ZC3H4: variants seen among roughly 807,000 people sequenced by gnomAD.
ZC3H4 encodes the protein zinc finger CCCH-type containing 4.
A neutral mutation model predicts 108.3 loss-of-function variants in ZC3H4; 13 were observed. That is an observed-to-expected ratio of 0.12 (90% CI 0.08 to 0.19). ZC3H4 has a LOEUF of 0.19. ZC3H4 is among the 10% of genes least tolerant of loss of function. The pLI, the probability that ZC3H4 is intolerant of heterozygous loss-of-function variation, is 1.00. For synonymous variants in ZC3H4, 917 were observed against 749.6 expected, an observed-to-expected ratio of 1.22 and a Z score of -3.65; for missense variants, 1,734 against 1,838.8, an observed-to-expected ratio of 0.94 and a Z score of 1.04.
intron 4 of ZC3H4, 149 bp downstream of exon 4, chr19:47,093,821 C>T: frequency 1.8e-6 from 1 of 569,818 alleles, no homozygotes; most frequent in South Asian, 3.4e-5. Flanking sequence ...TTTCAGTTTC[C>T]TCACTCATAA....
chr19:47,106,950 G>A (rs1303622037), intron 2 of ZC3H4, among the ~76,000 whole-genome samples: 3 of 152,154 alleles, frequency 2.0e-5, no homozygotes, highest in African/African-American at 7.2e-5. Flanking sequence ...AGTTTGCAGT[G>A]GTATGAGATT....
At chr19:47,068,947 G>A (rs1365990691) in intron 14 of ZC3H4, 145 bp downstream of exon 14, 3 of 1,502,846 alleles carry the variant, frequency 2.0e-6, no homozygotes, top group African/African-American at 2.8e-5. Context: ...AGCAGCCCCA[G>A]CCCGGCTTCA....
At chr19:47,083,311 A>G (rs1488959471) in intron 9 of ZC3H4, among the ~76,000 whole-genome samples, 1 of 134,400 alleles carries the variant, frequency 7.4e-6, no homozygotes, top group Non-Finnish European at 1.6e-5. Flanking sequence ...AAAAAAAATT[A>G]AAAAAAAAAA....
chr19:47,097,052 C>T (rs927538683), intron 2 of ZC3H4: 85 of 940,922 alleles, frequency 9.0e-5, no homozygotes, highest in Non-Finnish European at 1.0e-4. Flanking sequence ...GGACAAAAGA[C>T]CATTCAAGGA....
At position 47,069,267 on chromosome 19, in the gene ZC3H4, G is replaced by A. The variant is rs2057282213; in HGVS notation, c.2223C>T (p.Asp741=). 1 of 1,613,804 alleles carries A rather than the reference G, an allele frequency of 6.2e-7. No individual in the cohort carries two copies. The highest frequency in any genetic ancestry group is 1.3e-5 in the African/African-American group (1 of 74,930). The change falls in exon 14 of 15, where the codon GAC becomes GAT. Residue 741 remains aspartate, a synonymous_variant. Transcript: ENST00000253048. ...HLFPEHPLEP[D]SFSEGGPPGR... ...CTGGGGGCCCTCCCTCAGAGAAGCT[G>A]TCGGGCTCCAGAGGGTGCTCAGGGA...
chr19:47,095,249 C>G (rs910512345), intron 2 of ZC3H4, among the ~76,000 whole-genome samples: 1 of 152,210 alleles, frequency 6.6e-6, no homozygotes, highest in Admixed American at 6.5e-5. Flanking sequence ...GGGACCCACC[C>G]ACAGGCAGGC....
At chr19:47,112,906 T>G (rs1600126749) in intron 1 of ZC3H4, among the ~76,000 whole-genome samples, 1 of 143,398 alleles carries the variant, frequency 7.0e-6, no homozygotes, top group Non-Finnish European at 1.5e-5. Flanking sequence ...GGTGGTTGGG[T>G]GTAATTAGCG....
At position 47,094,488 on chromosome 19, in the gene ZC3H4, C is replaced by T. The variant is rs199815301; in HGVS notation, c.282G>A (p.Ser94=). 12 of 1,614,222 alleles carry T rather than the reference C, an allele frequency of 7.4e-6. No individual in the cohort carries two copies. Among genetic ancestry groups the T allele is most frequent in the South Asian group, 6.6e-5 (6 of 91,086 alleles). The change falls in exon 3 of 15, where the codon TCG becomes TCA. Residue 94 remains serine, a synonymous_variant. Transcript: ENST00000253048. ...GTCTCCTGTGGGACTTCTCCTCATC[C>T]GAATCACTGTGATGCTTCTCCCCCT... ...KEKGEKHHSD[S]DEEKSHRRLK...
intron 2 of ZC3H4, among the ~76,000 whole-genome samples, chr19:47,106,302 G>A (rs577231601): frequency 1.3e-5 from 2 of 152,266 alleles, no homozygotes; most frequent in East Asian, 1.9e-4. Context: ...CAGCACCCAG[G>A]CAGACATGGT....
intron 2 of ZC3H4, among the ~76,000 whole-genome samples, chr19:47,109,694 C>A (rs1200924545): frequency 1.3e-5 from 2 of 152,122 alleles, no homozygotes; most frequent in Non-Finnish European, 2.9e-5. Flanking sequence ...AAACAAGTGG[C>A]CTATTGAATT....
At position 47,094,612 on chromosome 19, in the gene ZC3H4, C is replaced by T. The variant is rs199543090; in HGVS notation, c.162-4G>A. 773 of 1,614,028 alleles carry T rather than the reference C, an allele frequency of 4.8e-4. No homozygotes were observed. The highest frequency in any genetic ancestry group is 4.5e-4 in the Non-Finnish European group (530 of 1,179,950). On this transcript the variant is annotated splice_polypyrimidine_tract_variant and splice_region_variant and intron_variant, in intron 2 of 14. Transcript: ENST00000253048. The stretch of plus-strand genomic sequence containing the variant: ...TTCTTCCAACTCTCCATCTTCCCTA[C>T]AAACAAACCCCAATCCCACCATGAA...
chr19:47,093,134 C>G (rs765057584), intron 4 of ZC3H4, among the ~76,000 whole-genome samples: 74 of 146,490 alleles, frequency 5.1e-4, no homozygotes, highest in South Asian at 8.7e-4. Flanking sequence ...AAGAATGGTG[C>G]GACCCCAGGA....
chr19:47,071,340 G>T (rs1052139870), intron 13 of ZC3H4, among the ~76,000 whole-genome samples: 22 of 151,928 alleles, frequency 1.4e-4, no homozygotes, highest in African/African-American at 4.4e-4. Flanking sequence ...AATGCAAAAG[G>T]AAAAAAAGGC....
intron 2 of ZC3H4, among the ~76,000 whole-genome samples, chr19:47,095,787 C>T (rs544282274): frequency 1.3e-5 from 2 of 152,144 alleles, no homozygotes; most frequent in South Asian, 2.1e-4. Context: ...TTTTAAAAAG[C>T]TCCCAAAGTT....
At chr19:47,097,543 ACT>A (rs1454999671) in intron 2 of ZC3H4, among the ~76,000 whole-genome samples, 2 of 152,092 alleles carry the variant, frequency 1.3e-5, no homozygotes, top group African/African-American at 2.4e-5. Flanking sequence ...TATTCTTCAG[ACT>A]CTGTTCAACA....
At chr19:47,109,457 T>G (rs1199819086) in intron 2 of ZC3H4, among the ~76,000 whole-genome samples, 1 of 152,208 alleles carries the variant, frequency 6.6e-6, no homozygotes, top group African/African-American at 2.4e-5. Context: ...GTCATCCAGT[T>G]TCTGTTCTCA....
In ZC3H4 at chr19:47,071,848, C is replaced by T. The variant is rs778162522; in HGVS notation, c.2076G>A (p.Gln692=). The T allele has an allele frequency of 3.1e-6, 5 of 1,613,768 alleles. No individual in the cohort carries two copies. Among genetic ancestry groups the T allele is most frequent in the Non-Finnish European group, 3.4e-6 (4 of 1,179,920 alleles). ...SGMMPPIPPA[Q]NFYENFYQQQ... ...GCTGGTAGAAGTTTTCATAGAAGTT[C>T]TGGGCTGGCGGGATAGGGGGCATCA... is the stretch of plus-strand genomic sequence containing the variant. The change falls in exon 13 of 15, where the codon CAG becomes CAA. Residue 692 remains glutamine (Q), a synonymous_variant. Transcript: ENST00000253048.
Position 47,067,718 on chromosome 19 carries a change from C to T in ZC3H4, c.2550G>A (p.Gln850=), listed in dbSNP as rs1275876036. ...SSSGLGDPRL[Q]KGHPTGSRLA... ...GCCGGCTTCCTGTGGGGTGTCCCTT[C>T]TGGAGGCGGGGGTCCCCCAGCCCAC... is the stretch of plus-strand genomic sequence containing the variant. The change falls in exon 15 of 15, where the codon CAG becomes CAA. Residue 850 remains glutamine (Q), a synonymous_variant. Coordinates refer to ENST00000253048, the MANE Select transcript of ZC3H4 (RefSeq NM_015168.2). This position sits in a 1 kb window ranked among gnomAD's most constrained non-coding sequence, Gnocchi z 6.4. 1.2e-6 allele frequency: 2 copies of T among 1,606,620 alleles called. No homozygotes were observed. Among genetic ancestry groups the T allele is most frequent in the African/African-American group, 1.3e-5 (1 of 74,900 alleles).
At chr19:47,109,918 CTGT>C (rs572064339) in intron 2 of ZC3H4, among the ~76,000 whole-genome samples, 147 of 152,230 alleles carry the variant, frequency 9.7e-4, no homozygotes, top group African/African-American at 3.1e-3. Flanking sequence ...CAAGTCATTT[CTGT>C]TGTTGTTTTT....
Sources: allele counts gnomAD v4.1 joint callset (sites outside exome capture counted in the v4.1 genomes callset), GRCh38; gene constraint gnomAD v4.1.1; non-coding constraint Gnocchi (gnomAD v3.1); transcripts MANE v1.5; gene names NCBI Gene and HGNC (gene_info 2026-07-23, HGNC 2026-07-21).